The following FRMD6 variants were observed in gnomAD, a reference collection of about 807,000 sequenced individuals.
The protein encoded by FRMD6 is FERM domain-containing protein 6.
Under a neutral mutation model 73.2 loss-of-function variants are expected in FRMD6, and 37 were observed. The ratio of observed to expected loss-of-function variants is 0.51; its 90% CI spans 0.39 to 0.66. The LOEUF is 0.66. Among genes scored for constraint, FRMD6 ranks in the 30% least tolerant of loss-of-function variants. The pLI, the probability that FRMD6 is intolerant of heterozygous loss-of-function variation, is 0.00. For synonymous variants in FRMD6, 273 were observed against 282.2 expected (o/e 0.97, Z 0.33); for missense variants, 714 against 780.5 (o/e 0.91, Z 1.02).
chr14:51,470,983 T>A, the FRMD6 span, among the ~76,000 whole-genome samples: 4 of 152,354 alleles, frequency 2.6e-5, no homozygotes, highest in East Asian at 5.8e-4. Flanking sequence ...GGATGTTTGT[T>A]CCATAAATGC....
the FRMD6 span, among the ~76,000 whole-genome samples, chr14:51,427,560 C>T: frequency 2.0e-5 from 3 of 152,212 alleles, no homozygotes; most frequent in Non-Finnish European, 4.4e-5. Context: ...CTTATGCAAA[C>T]ATTGAGACTT....
the FRMD6 span, chr14:51,397,214 A>ATT: frequency 2.6e-5 from 4 of 152,312 alleles, no homozygotes; most frequent in East Asian, 5.8e-4. Context: ...CTATATATAT[A>ATT]CATCAGGAAG....
At chr14:51,656,102 C>T (rs772367695) in intron 1 of FRMD6, among the ~76,000 whole-genome samples, 11 of 152,202 alleles carry the variant, frequency 7.2e-5, no homozygotes, top group Non-Finnish European at 1.2e-4. Flanking sequence ...AACAAGCAAT[C>T]TGTGCTTCTC....
chr14:51,489,951 C>T (rs534105160), intron 1 of FRMD6, among the ~76,000 whole-genome samples: 3 of 152,120 alleles, frequency 2.0e-5, no homozygotes, highest in Non-Finnish European at 4.4e-5. Flanking sequence ...AAGTAGGTGT[C>T]GGTTACATTA....
chr14:51,656,417 C>CT lies in FRMD6; in HGVS notation c.-147+4433dup, dbSNP rs1441277198. On this transcript the variant is annotated intron_variant, in intron 1 of 13. Transcript: ENST00000344768. ...GGTCTGTAGCATAGCATTTTCTTTT[C>CT]TTTTTTTTTTTTCTGAGGCGGAGTC... is the stretch of plus-strand genomic sequence containing the variant. Among the ~76,000 whole-genome samples the CT allele has an allele frequency of 7.1e-3, 1,045 of 147,262 alleles. 9 individuals carry two copies. Among genetic ancestry groups the CT allele is most frequent in the South Asian group, 0.018 (82 of 4,630 alleles).
At chr14:51,724,087 T>G (rs1446911659) in intron 12 of FRMD6, 1 of 152,112 alleles carries the variant, frequency 6.6e-6, no homozygotes, top group Non-Finnish European at 1.5e-5. Context: ...ACGTTGCTTA[T>G]AAAACATTCA....
At chr14:51,493,283 A>G (rs183198981) in intron 1 of FRMD6, among the ~76,000 whole-genome samples, 4 of 152,298 alleles carry the variant, frequency 2.6e-5, no homozygotes, top group African/African-American at 7.2e-5. Context: ...ACACAATTTT[A>G]TTTCATAGAC....
At chr14:51,470,240 G>A in the FRMD6 span, among the ~76,000 whole-genome samples, 3 of 151,888 alleles carry the variant, frequency 2.0e-5, no homozygotes, top group African/African-American at 4.8e-5. Flanking sequence ...GCTTTTGGGC[G>A]GGGCATGGTG....
chr14:51,503,562 T>C (rs1883746501), intron 1 of FRMD6, among the ~76,000 whole-genome samples: 1 of 152,234 alleles, frequency 6.6e-6, no homozygotes, highest in Non-Finnish European at 1.5e-5. Context: ...ATCCCGGGGA[T>C]GAAGCCAACT....
chr14:51,636,683 AGAATGTGG>A (rs1019821475), intron 2 of FRMD6, among the ~76,000 whole-genome samples: 1 of 152,210 alleles, frequency 6.6e-6, no homozygotes, highest in Non-Finnish European at 1.5e-5. Flanking sequence ...GGAAAAGGCC[AGAATGTGG>A]GATGTGACCC....
chr14:51,624,746 C>T (rs1173552205), intron 2 of FRMD6, among the ~76,000 whole-genome samples: 2 of 152,182 alleles, frequency 1.3e-5, no homozygotes, highest in African/African-American at 4.8e-5. Context: ...TTCTAAACTG[C>T]AGCGCTGAGA....
At chr14:51,444,221 G>T in the FRMD6 span, among the ~76,000 whole-genome samples, 7 of 152,200 alleles carry the variant, frequency 4.6e-5, no homozygotes, top group African/African-American at 1.7e-4. Context: ...GAGCCACCAC[G>T]CCCAGCAGTG....
intron 1 of FRMD6, among the ~76,000 whole-genome samples, chr14:51,675,086 G>C (rs186161776): frequency 2.0e-5 from 3 of 152,242 alleles, no homozygotes; most frequent in Non-Finnish European, 4.4e-5. Flanking sequence ...TTGCTAGATA[G>C]GTAAGTACCA....
intron 2 of FRMD6, among the ~76,000 whole-genome samples, chr14:51,622,493 C>G (rs555688575): frequency 7.7e-4 from 117 of 152,030 alleles, no homozygotes; most frequent in Non-Finnish European, 1.0e-3. Flanking sequence ...GACTCCTAGT[C>G]CTTGGTTATA....
At chr14:51,432,349 G>A in the FRMD6 span, among the ~76,000 whole-genome samples, 1 of 151,800 alleles carries the variant, frequency 6.6e-6, no homozygotes, top group Non-Finnish European at 1.5e-5. Flanking sequence ...TTTTTCCTCT[G>A]AAGAGCTGTT....
rs1433965646 is a variant in FRMD6, at chr14:51,722,056, T to C, written c.1468T>C (p.Ser490Pro). 1 of 1,614,018 alleles carries C rather than the reference T, an allele frequency of 6.2e-7. No individual in the cohort carries two copies. Among genetic ancestry groups the C allele is most frequent in the Non-Finnish European group, 8.5e-7 (1 of 1,180,028 alleles). ...CIYITEDMLM[S>P]RKLNGHSGLI... is the part of the protein sequence containing the mutation. The stretch of plus-strand genomic sequence containing the variant: ...CTACATCACAGAGGACATGCTCATG[T>C]CGCGGAAGCTGAATGGACACTCTGG... Residue 490 changes from serine to proline, a missense_variant, in exon 12 of 14, where the codon TCG (serine) becomes CCG (proline). Ser to Pro is a moderately conservative substitution (Grantham distance 74). Transcript: ENST00000344768.
upstream of FRMD6, chr14:51,650,932 G>A (rs1311697725): frequency 6.6e-6 from 1 of 152,322 alleles, no homozygotes; most frequent in Non-Finnish European, 1.5e-5. Flanking sequence ...GCGGGTCTAG[G>A]GGCCAGGTGC....
intron 2 of FRMD6, among the ~76,000 whole-genome samples, chr14:51,607,812 C>G (rs776595610): frequency 6.6e-6 from 1 of 152,190 alleles, no homozygotes. Flanking sequence ...GCCCCTTTCC[C>G]GGTTTCTGCC....
At chr14:51,429,038 A>AGAGGGTAGGAGAGAGAGGGG in the FRMD6 span, among the ~76,000 whole-genome samples, 1 of 133,270 alleles carries the variant, frequency 7.5e-6, no homozygotes, top group Non-Finnish European at 1.7e-5. Context: ...GAGGGGAGAG[A>AGAGGGTAGGAGAGAGAGGGG]AAAGAAAAGG....
Sources: gnomAD v4.1 joint callset for allele counts (sites outside exome capture counted in the v4.1 genomes callset) on GRCh38, gnomAD v4.1.1 for gene constraint, MANE v1.5 for transcripts, NCBI Gene and HGNC (gene_info 2026-07-23, HGNC 2026-07-21) for gene names.